TAFA4: variants seen among roughly 807,000 people sequenced by gnomAD.
TAFA4 encodes the protein chemokine-like protein TAFA-4.
TAFA4 carries 20 observed loss-of-function variants against 21.1 expected under a neutral mutation model. That is an observed-to-expected ratio of 0.95 (90% CI 0.67 to 1.38). The LOEUF is 1.38. Among genes scored for constraint, TAFA4 ranks in the 40% most tolerant of loss-of-function variants. The pLI, the probability that TAFA4 is intolerant of heterozygous loss-of-function variation, is 0.00. For synonymous variants in TAFA4, 71 were observed against 67.4 expected (o/e 1.05, Z -0.26); for missense variants, 211 against 180.9 (o/e 1.17, Z -0.95).
intron 3 of TAFA4, among the ~76,000 whole-genome samples, chr3:68,809,579 T>C (rs1292804387): frequency 6.6e-6 from 1 of 151,838 alleles, no homozygotes; most frequent in African/African-American, 2.4e-5. Context: ...ATCTCCTTTT[T>C]CTATTTTTTC....
At chr3:68,829,733 C>T (rs1442642151) in intron 3 of TAFA4, among the ~76,000 whole-genome samples, 2 of 152,136 alleles carry the variant, frequency 1.3e-5, no homozygotes, top group Non-Finnish European at 2.9e-5. Flanking sequence ...CCCTCTTTTT[C>T]TATTGATTGA....
At chr3:68,892,228 C>T (rs879930307) in intron 1 of TAFA4, among the ~76,000 whole-genome samples, 15 of 152,100 alleles carry the variant, frequency 9.9e-5, no homozygotes, top group Non-Finnish European at 1.5e-4. Flanking sequence ...TCATAAATTG[C>T]TTTTTATTGC....
intron 3 of TAFA4, among the ~76,000 whole-genome samples, chr3:68,819,799 G>T (rs1704074180): frequency 6.6e-6 from 1 of 152,168 alleles, no homozygotes; most frequent in Admixed American, 6.5e-5. Context: ...TGTTGGTGAG[G>T]ATGCAGAGAA....
intron 1 of TAFA4, among the ~76,000 whole-genome samples, chr3:68,922,335 C>T (rs2090067493): frequency 6.6e-6 from 1 of 152,148 alleles, no homozygotes; most frequent in African/African-American, 2.4e-5. Flanking sequence ...CTTCCAGGTG[C>T]TCCAGCATTG....
intron 3 of TAFA4, among the ~76,000 whole-genome samples, chr3:68,803,301 T>A (rs1054463407): frequency 6.6e-5 from 10 of 152,170 alleles, no homozygotes; most frequent in Non-Finnish European, 1.5e-4. Context: ...ACAGAATGGG[T>A]TTGAAACTGC....
intron 3 of TAFA4, among the ~76,000 whole-genome samples, chr3:68,824,613 G>A (rs1704185460): frequency 6.6e-6 from 1 of 152,092 alleles, no homozygotes; most frequent in African/African-American, 2.4e-5. Context: ...ATGCTCATAG[G>A]TTCCAAGGAT....
chr3:68,912,782 C>G (rs1327418138), intron 1 of TAFA4, among the ~76,000 whole-genome samples: 1 of 152,124 alleles, frequency 6.6e-6, no homozygotes, highest in African/African-American at 2.4e-5. Flanking sequence ...CCAAGAATAC[C>G]CTCTCTGGGG....
intron 3 of TAFA4, among the ~76,000 whole-genome samples, chr3:68,834,493 C>T (rs530459587): frequency 6.6e-6 from 1 of 152,332 alleles, no homozygotes; most frequent in South Asian, 2.1e-4. Flanking sequence ...TTACTATCAT[C>T]ATCATCATCA....
At chr3:68,930,298 A>G (rs2090147623) in intron 1 of TAFA4, among the ~76,000 whole-genome samples, 1 of 152,184 alleles carries the variant, frequency 6.6e-6, no homozygotes, top group South Asian at 2.1e-4. Context: ...TCAAGCAGAG[A>G]TATTTGTAGG....
chr3:68,873,029 A>G (rs2089501515), intron 3 of TAFA4, among the ~76,000 whole-genome samples: 3 of 152,110 alleles, frequency 2.0e-5, no homozygotes, highest in Admixed American at 2.0e-4. Context: ...GCATGGGTAA[A>G]TATCAGCCGT....
intron 5 of TAFA4, among the ~76,000 whole-genome samples, chr3:68,733,939 A>G (rs1175399904): frequency 1.3e-5 from 2 of 152,026 alleles, no homozygotes; most frequent in Non-Finnish European, 2.9e-5. Context: ...CTGGGTAACT[A>G]CAGCAAACTA....
intron 3 of TAFA4, among the ~76,000 whole-genome samples, chr3:68,805,571 A>C (rs1703677540): frequency 6.6e-6 from 1 of 152,242 alleles, no homozygotes; most frequent in Non-Finnish European, 1.5e-5. Flanking sequence ...TCCAACAACG[A>C]TAGACTGGAT....
chr3:68,921,395 T>C (rs1256616868), intron 1 of TAFA4, among the ~76,000 whole-genome samples: 1 of 152,202 alleles, frequency 6.6e-6, no homozygotes, highest in Admixed American at 6.5e-5. Context: ...GCTCTTTACA[T>C]GTGTTTTCTT....
At chr3:68,794,762 G>C (rs980368667) in intron 3 of TAFA4, among the ~76,000 whole-genome samples, 4 of 151,970 alleles carry the variant, frequency 2.6e-5, no homozygotes, top group African/African-American at 9.7e-5. Context: ...GCATGATGCA[G>C]CACCATTATT....
chr3:68,824,283 C>G (rs1053130168), intron 3 of TAFA4, among the ~76,000 whole-genome samples: 1 of 152,192 alleles, frequency 6.6e-6, no homozygotes, highest in Non-Finnish European at 1.5e-5. Context: ...ATGGGTTTAA[C>G]TGGGCTAACC....
chr3:68,907,192 A>C (rs1420092209), intron 1 of TAFA4, among the ~76,000 whole-genome samples: 2 of 152,150 alleles, frequency 1.3e-5, no homozygotes, highest in Non-Finnish European at 2.9e-5. Flanking sequence ...AAGGGAGAGA[A>C]GATTTGGAGA....
intron 3 of TAFA4, among the ~76,000 whole-genome samples, chr3:68,819,332 T>C (rs1704062253): frequency 8.3e-6 from 1 of 120,900 alleles, no homozygotes. Context: ...CAAAGTGCAA[T>C]AAAACAAGGA....
At chr3:68,844,650 C>G (rs1704744040) in intron 3 of TAFA4, among the ~76,000 whole-genome samples, 1 of 152,130 alleles carries the variant, frequency 6.6e-6, no homozygotes, top group Admixed American at 6.5e-5. Context: ...CCCCTGTGGG[C>G]ACTTAGTGGT....
intron 3 of TAFA4, among the ~76,000 whole-genome samples, chr3:68,809,479 T>C (rs1312679355): frequency 1.3e-5 from 2 of 151,948 alleles, no homozygotes; most frequent in East Asian, 3.8e-4. Flanking sequence ...AAATTTTAAA[T>C]AGTGAAATCT....
Sources: gnomAD v4.1 joint callset for allele counts (sites outside exome capture counted in the v4.1 genomes callset) on GRCh38, gnomAD v4.1.1 for gene constraint, MANE v1.5 for transcripts, NCBI Gene and HGNC (gene_info 2026-07-23, HGNC 2026-07-21) for gene names.